SCNN1B: variants seen among roughly 807,000 people sequenced by gnomAD.
The protein encoded by SCNN1B is epithelial sodium channel subunit beta.
A neutral mutation model predicts 65.3 loss-of-function variants in SCNN1B; 46 were observed. The observed-to-expected ratio is 0.70, with a 90% CI of 0.56 to 0.90. The LOEUF is 0.90. Among genes scored for constraint, SCNN1B ranks in the 40% least tolerant of loss-of-function variants. The pLI is 0.00. For missense variants in SCNN1B, 751 were observed against 830.5 expected (o/e 0.90, Z 1.18); for synonymous variants, 349 against 330.6 (o/e 1.06, Z -0.60).
intron 7 of SCNN1B, among the ~76,000 whole-genome samples, chr16:23,374,616 C>T (rs1962854904): frequency 6.6e-6 from 1 of 151,340 alleles, no homozygotes; most frequent in African/African-American, 2.4e-5. Flanking sequence ...AAACACTTGC[C>T]CGAAACCGAG....
chr16:23,334,335 A>G (rs1048698863), intron 1 of SCNN1B, among the ~76,000 whole-genome samples: 1 of 152,222 alleles, frequency 6.6e-6, no homozygotes, highest in Non-Finnish European at 1.5e-5. Flanking sequence ...CAGGGCTCGA[A>G]TGAGTGATAA....
intron 2 of SCNN1B, among the ~76,000 whole-genome samples, chr16:23,285,405 C>T (rs555006733): frequency 5.7e-4 from 87 of 152,238 alleles, no homozygotes; most frequent in African/African-American, 2.0e-3. Flanking sequence ...CTCATGGCCT[C>T]AAGTGATCCT....
chr16:23,315,995 A>T (rs1347599518), intron 1 of SCNN1B, among the ~76,000 whole-genome samples: 3 of 151,216 alleles, frequency 2.0e-5, no homozygotes, highest in Admixed American at 6.6e-5. Flanking sequence ...CATCGCCATC[A>T]TCATCATCAC....
chr16:23,291,849 G>C (rs1335658611), intron 2 of SCNN1B, among the ~76,000 whole-genome samples: 1 of 151,590 alleles, frequency 6.6e-6, no homozygotes, highest in Admixed American at 6.6e-5. Context: ...CCAAAGTGCT[G>C]GGTTTACAGG....
intron 1 of SCNN1B, among the ~76,000 whole-genome samples, chr16:23,345,344 C>A (rs1962164031): frequency 6.6e-6 from 1 of 152,188 alleles, no homozygotes; most frequent in Non-Finnish European, 1.5e-5. Context: ...TACTATTAAG[C>A]TTCTTATGGG....
At chr16:23,329,366 T>C (rs1450445741) in intron 1 of SCNN1B, among the ~76,000 whole-genome samples, 2 of 152,184 alleles carry the variant, frequency 1.3e-5, no homozygotes, top group African/African-American at 2.4e-5. Flanking sequence ...TCCTCCCACC[T>C]CGGCCTCCCA....
intron 6 of SCNN1B, 44 bp downstream of exon 6, chr16:23,371,506 G>A: frequency 1.3e-6 from 2 of 1,598,360 alleles, no homozygotes; most frequent in African/African-American, 2.7e-5. Flanking sequence ...TCTGAGGGTG[G>A]GAGCCCACCT....
intron 4 of SCNN1B, among the ~76,000 whole-genome samples, chr16:23,359,585 A>G (rs1260400831): frequency 6.6e-6 from 1 of 152,080 alleles, no homozygotes; most frequent in Non-Finnish European, 1.5e-5. Flanking sequence ...TGGGCCACAG[A>G]CACTGTGGCC....
rs1157103731 is a variant in SCNN1B at position 23,356,746 on chromosome 16, G to T, written c.776+1257G>T. On this transcript the variant is annotated intron_variant, in intron 4 of 12. Coordinates refer to ENST00000343070, the MANE Select transcript of SCNN1B (RefSeq NM_000336.3). The stretch of plus-strand genomic sequence containing the variant: ...CAGAATGAGGGTAATGGTAACCCTG[G>T]AGGTCTAGGTCTTCTTGCAATTGAC... 5.3e-5 allele frequency among the ~76,000 whole-genome samples: 8 copies of T among 152,246 alleles called. No individual in the cohort carries two copies. The East Asian group carries it at 1.5e-3, about 29-fold the overall frequency.
chr16:23,366,022 A>T (rs776630526), intron 4 of SCNN1B, among the ~76,000 whole-genome samples: 26 of 152,192 alleles, frequency 1.7e-4, no homozygotes, highest in Non-Finnish European at 3.4e-4. Context: ...TTGAGAATTA[A>T]ATGAGATCAC....
At chr16:23,316,654 C>T (rs1170181927) in intron 1 of SCNN1B, among the ~76,000 whole-genome samples, 2 of 151,706 alleles carry the variant, frequency 1.3e-5, no homozygotes, top group African/African-American at 4.8e-5. Context: ...CTGTCATCAC[C>T]ATCACCATCC....
intron 3 of SCNN1B, 188 bp downstream of exon 3, chr16:23,353,262 A>G (rs1330874658): frequency 4.6e-6 from 3 of 656,102 alleles, no homozygotes; most frequent in East Asian, 2.7e-5. Flanking sequence ...CTCCTTTGGT[A>G]TAAGTGATCC....
chr16:23,294,420 G>A (rs1371047846), intron 2 of SCNN1B, among the ~76,000 whole-genome samples: 2 of 151,618 alleles, frequency 1.3e-5, no homozygotes, highest in Admixed American at 6.6e-5. Context: ...AGAGACCAAA[G>A]TCCCTACACT....
intron 1 of SCNN1B, among the ~76,000 whole-genome samples, chr16:23,336,909 GA>G (rs1409972954): frequency 9.2e-5 from 14 of 152,058 alleles, no homozygotes; most frequent in Admixed American, 9.2e-4. Flanking sequence ...GTGCTACACA[GA>G]TTTAGCAAAA....
At chr16:23,282,471 T>A (rs936559216) in intron 1 of SCNN1B, among the ~76,000 whole-genome samples, 3 of 152,048 alleles carry the variant, frequency 2.0e-5, no homozygotes, top group African/African-American at 7.2e-5. Flanking sequence ...ACAAAGCAAA[T>A]AAGTACAGAT....
At chr16:23,310,237 G>C (rs1237386945) in intron 1 of SCNN1B, among the ~76,000 whole-genome samples, 5 of 131,670 alleles carry the variant, frequency 3.8e-5, no homozygotes, top group South Asian at 2.5e-4. Context: ...ATAATAAAAG[G>C]CCTTCAAGAT....
intron 2 of SCNN1B, among the ~76,000 whole-genome samples, chr16:23,288,905 C>T (rs1008065683): frequency 6.6e-6 from 1 of 152,196 alleles, no homozygotes; most frequent in East Asian, 1.9e-4. Context: ...CAGTTCCTGT[C>T]TGGTTTTTGC....
At chr16:23,343,190 C>T (rs941860506) in intron 1 of SCNN1B, among the ~76,000 whole-genome samples, 3 of 152,122 alleles carry the variant, frequency 2.0e-5, no homozygotes, top group Non-Finnish European at 2.9e-5. Flanking sequence ...CATGGTGGCT[C>T]ATGCCTGTAA....
At chr16:23,308,215 C>A (rs767604808) in intron 1 of SCNN1B, among the ~76,000 whole-genome samples, 4 of 151,594 alleles carry the variant, frequency 2.6e-5, no homozygotes, top group Non-Finnish European at 5.9e-5. Context: ...AAAAAAGTAA[C>A]AAGAAAGAAA....
Sources: gnomAD v4.1 joint callset for allele counts (sites outside exome capture counted in the v4.1 genomes callset) on GRCh38, gnomAD v4.1.1 for gene constraint, MANE v1.5 for transcripts, NCBI Gene and HGNC (gene_info 2026-07-23, HGNC 2026-07-21) for gene names.